Variants in COL5A1 observed in about 807,000 individuals in gnomAD.
The protein encoded by COL5A1 is collagen type V alpha 1 chain, also known as collagen alpha-1(V) chain.
In COL5A1, 16 loss-of-function variants were observed where a neutral mutation model predicts 263.7. The ratio of observed to expected loss-of-function variants is 0.06; its 90% CI spans 0.04 to 0.09. The LOEUF (loss-of-function observed/expected upper bound fraction) is 0.09. COL5A1 is among the 10% of genes least tolerant of loss of function. The pLI, the probability that COL5A1 is intolerant of heterozygous loss-of-function variation, is 1.00. For missense variants in COL5A1, 2,036 were observed against 2,540.5 expected (o/e 0.80, Z 4.27); for synonymous variants, 1,012 against 1,004.5 (o/e 1.01, Z -0.14).
chr9:134,735,902 G>A (rs1835078527), intron 9 of COL5A1, among the ~76,000 whole-genome samples: 1 of 152,268 alleles, frequency 6.6e-6, no homozygotes, highest in Non-Finnish European at 1.5e-5. Flanking sequence ...TGGGGAGATC[G>A]GTGTTCCCCC....
At chr9:134,717,296 A>G (rs187078123) in intron 4 of COL5A1, among the ~76,000 whole-genome samples, 208 of 152,284 alleles carry the variant, frequency 1.4e-3, no homozygotes, top group African/African-American at 4.8e-3. Flanking sequence ...ACTGCTGATG[A>G]TGGCACTGTA....
intron 48 of COL5A1, among the ~76,000 whole-genome samples, chr9:134,813,051 G>A (rs1014294491): frequency 3.9e-5 from 6 of 152,140 alleles, no homozygotes; most frequent in African/African-American, 1.4e-4. Flanking sequence ...CTCAGCTCTG[G>A]TGGAGATCAT....
At chr9:134,790,878 GTGTC>G (rs1837667534) in intron 32 of COL5A1, among the ~76,000 whole-genome samples, 1 of 152,120 alleles carries the variant, frequency 6.6e-6, no homozygotes, top group Non-Finnish European at 1.5e-5. Context: ...TGCAGTGAGA[GTGTC>G]TGGGAGAGGA....
At chr9:134,707,999 C>G (rs1833897877) in intron 4 of COL5A1, among the ~76,000 whole-genome samples, 1 of 152,220 alleles carries the variant, frequency 6.6e-6, no homozygotes, top group Non-Finnish European at 1.5e-5. Context: ...GGCTGCGGAG[C>G]TGGGAAAACC....
chr9:134,840,435 A>G (rs1839987303), intron 65 of COL5A1, among the ~76,000 whole-genome samples: 1 of 152,138 alleles, frequency 6.6e-6, no homozygotes, highest in African/African-American at 2.4e-5. Context: ...GAGCATGCCC[A>G]TTTTCCAGCT....
intron 28 of COL5A1, among the ~76,000 whole-genome samples, chr9:134,782,296 C>T (rs933286926): frequency 2.0e-5 from 3 of 152,262 alleles, no homozygotes; most frequent in African/African-American, 7.2e-5. Context: ...AATTGTCACC[C>T]CCTTTACCCG....
Position 134,788,818 on chromosome 9 carries a change from G to A in COL5A1, c.2647-337G>A, listed in dbSNP as rs557836045. On this transcript the variant is annotated intron_variant, in intron 31 of 65. Transcript: ENST00000371817. The stretch of plus-strand genomic sequence containing the variant: ...TGGGTAGACAGGTGGATGAATGGAG[G>A]CATGGGAGGATAGGTAGACAGGCAG... Among the ~76,000 whole-genome samples, 3 of 145,204 alleles carry A rather than the reference G, an allele frequency of 2.1e-5. No homozygotes were observed. In the East Asian group the frequency reaches 6.1e-4, roughly 30 times the overall value.
At position 134,680,443 on chromosome 9, in the gene COL5A1, C is replaced by G. The variant is rs189925228; in HGVS notation, c.110-10469C>G. Among the ~76,000 whole-genome samples, 592 of 152,298 alleles carry G rather than the reference C, an allele frequency of 3.9e-3. 7 individuals are homozygous for G. The highest frequency in any genetic ancestry group is 0.013 in the African/African-American group (543 of 41,554). ...GCAGGCCCCTTCCAGGTGCGAGCTC[C>G]CTGCCCGGCACACCTGTACCTGTTC... On this transcript the variant is annotated intron_variant, in intron 1 of 65. Transcript: ENST00000371817. The surrounding 1 kb of genome is among the most constrained non-coding windows in gnomAD (Gnocchi z 5.9).
chr9:134,704,841 G>C (rs140194472), intron 4 of COL5A1, among the ~76,000 whole-genome samples: 29 of 151,766 alleles, frequency 1.9e-4, no homozygotes, highest in Middle Eastern at 6.8e-3. Context: ...CGGTGAGTTG[G>C]CCTCAGAGTC....
At position 134,835,172 on chromosome 9, in the gene COL5A1, C is replaced by T. The variant is rs781230603; in HGVS notation, c.5338C>T (p.Pro1780Ser). Reference protein sequence around the residue: ...NDEEMSYDNNPYIRALVDGCA... With the variant: ...NDEEMSYDNNSYIRALVDGCA... The stretch of plus-strand genomic sequence containing the variant: ...CGAGGAGATGTCCTATGACAACAAC[C>T]CCTACATCCGCGCCCTGGTGGACGG... Residue 1780 changes from proline to serine, a missense_variant, in exon 65 of 66, where the codon CCC (proline) becomes TCC (serine). By Grantham distance (74) the Pro-to-Ser change is moderately conservative. Around this residue, in one of 3 missense-constraint regions of COL5A1, gnomAD observed 358 missense variants for 384.6 expected, o/e 0.93. Coordinates refer to ENST00000371817, the MANE Select transcript of COL5A1 (RefSeq NM_000093.5). 1.2e-5 allele frequency: 19 copies of T among 1,613,678 alleles called. No homozygotes were observed. The Admixed American group carries it at 1.7e-4, about 14-fold the overall frequency.
rs1485400597 is a variant in COL5A1, at chr9:134,825,891, A to G, written c.5054A>G (p.Lys1685Arg). The G allele has an allele frequency of 6.2e-7, 1 of 1,611,478 alleles. No individual in the cohort carries two copies. Among genetic ancestry groups the G allele is most frequent in the Non-Finnish European group, 8.5e-7 (1 of 1,178,122 alleles). The change falls in exon 63 of 66, where the codon AAG becomes AGG. Residue 1685 changes from lysine (K) to arginine (R), a missense_variant. This residue lies in a region of COL5A1 where 358 missense variants were observed against 384.6 expected (regional missense o/e 0.93). Coordinates refer to ENST00000371817, the MANE Select transcript of COL5A1 (RefSeq NM_000093.5). ...GGGTCGACATGCGTCTTCCCTGACA[A>G]GAAGTCCGAAGGGGTGAGTAGCTGT... Reference protein sequence around the residue: ...AGGSTCVFPDKKSEGARITSW... With the variant: ...AGGSTCVFPDRKSEGARITSW...
chr9:134,781,508 C>T (rs1837254927), intron 28 of COL5A1, among the ~76,000 whole-genome samples: 1 of 152,224 alleles, frequency 6.6e-6, no homozygotes, highest in South Asian at 2.1e-4. Context: ...TCATCCTTTC[C>T]AAGGTGGCTT....
intron 19 of COL5A1, 147 bp downstream of exon 19, chr9:134,762,125 GT>G (rs1836471877): frequency 2.5e-6 from 2 of 809,620 alleles, no homozygotes; most frequent in African/African-American, 3.4e-5. Context: ...GGGGATTCCA[GT>G]GGGCAAAGCG....
rs1554805125 is a variant in COL5A1 at position 134,812,620 on chromosome 9, C to T, written c.3760C>T (p.Pro1254Ser). The T allele has an allele frequency of 6.2e-7, 1 of 1,604,448 alleles. No individual in the cohort carries two copies. The highest frequency in any genetic ancestry group is 8.5e-7 in the Non-Finnish European group (1 of 1,175,254). ...DVGQMGPPGP[P>S]GPRGPSGAPG... is the part of the protein sequence containing the mutation. The stretch of plus-strand genomic sequence containing the variant: ...CTTTTCCTAGGGCCCCCCGGGTCCC[C>T]CTGGCCCCCGAGGACCCTCCGGAGC... The change falls in exon 48 of 66, where the codon CCT (proline) becomes TCT (serine). Residue 1254 changes from proline (P) to serine (S), a missense_variant. Pro to Ser is a moderately conservative substitution (Grantham distance 74). Coordinates refer to ENST00000371817, the MANE Select transcript of COL5A1 (RefSeq NM_000093.5).
intron 39 of COL5A1, among the ~76,000 whole-genome samples, chr9:134,803,237 C>T (rs1838176920): frequency 6.6e-6 from 1 of 152,178 alleles, no homozygotes; most frequent in African/African-American, 2.4e-5. Flanking sequence ...ATCCTCCACC[C>T]TCTGCTCTCT....
chr9:134,780,187 C>G (rs149516949), intron 28 of COL5A1, 41 bp downstream of exon 28: 3 of 1,602,938 alleles, frequency 1.9e-6, no homozygotes, highest in Non-Finnish European at 1.7e-6. Context: ...CTGCTTAGTC[C>G]GGAGCCGAAT....
rs1831744344 is a variant in COL5A1, at chr9:134,652,897, C to T, written c.109+10601C>T. ...GGCCTTGGGTGGGCCCAGGAAACTGCATTTCTAACGAAGTCAGTTCCCAGA... is the reference window on the plus strand; with the variant it reads ...GGCCTTGGGTGGGCCCAGGAAACTGTATTTCTAACGAAGTCAGTTCCCAGA... On this transcript the variant is annotated intron_variant, in intron 1 of 65. Transcript: ENST00000371817. The surrounding 1 kb of genome is among the most constrained non-coding windows in gnomAD (Gnocchi z 4.4). The T allele has an allele frequency of 3.0e-6, 1 of 338,824 alleles. No homozygotes were observed. The allele number at this position is 338,824 out of a possible 1,614,324, so 21.0% of individuals were successfully genotyped here. A position where few individuals can be genotyped will look rare whatever the true frequency, so the allele number is the denominator to read the frequency against.
intron 1 of COL5A1, among the ~76,000 whole-genome samples, chr9:134,673,745 A>G (rs989928893): frequency 1.3e-5 from 2 of 152,252 alleles, no homozygotes; most frequent in Non-Finnish European, 2.9e-5. Flanking sequence ...AACACCTTAT[A>G]CTTTTCAAAA....
At chr9:134,815,528 A>C (rs757772206) in intron 50 of COL5A1, 48 bp from the exon 51 acceptor site, 1 of 1,590,990 alleles carries the variant, frequency 6.3e-7, no homozygotes, top group Admixed American at 1.7e-5. Flanking sequence ...GTGTGGTCTC[A>C]GTCAGGTTGC....
Sources: gnomAD v4.1 joint callset for allele counts (sites outside exome capture counted in the v4.1 genomes callset) on GRCh38, gnomAD v4.1.1 for gene constraint, gnomAD v4.1.1 regional missense constraint, Gnocchi (gnomAD v3.1) non-coding constraint, MANE v1.5 for transcripts, NCBI Gene and HGNC (gene_info 2026-07-23, HGNC 2026-07-21) for gene names.